Variants in TENM3 observed in about 807,000 individuals in gnomAD.
The protein encoded by TENM3 is teneurin transmembrane protein 3.
In TENM3, 63 loss-of-function variants were observed where a neutral mutation model predicts 255.1. That is an observed-to-expected ratio of 0.25 (90% CI 0.20 to 0.30). The LOEUF is 0.30. Among genes scored for constraint, TENM3 ranks in the 10% least tolerant of loss-of-function variants. The pLI is 1.00. For missense variants in TENM3, 2,929 were observed against 3,461.1 expected (o/e 0.85, Z 3.86); for synonymous variants, 1,306 against 1,322.3 (o/e 0.99, Z 0.27).
intron 3 of TENM3, among the ~76,000 whole-genome samples, chr4:182,591,627 A>G (rs1416836220): frequency 6.6e-6 from 1 of 152,208 alleles, no homozygotes; most frequent in African/African-American, 2.4e-5. Context: ...ATTTTTACAC[A>G]GTACTGTATT....
At chr4:182,205,435 C>T (rs557659859) in intron 1 of TENM3, among the ~76,000 whole-genome samples, 106 of 152,354 alleles carry the variant, frequency 7.0e-4, no homozygotes, top group Non-Finnish European at 7.1e-4. Flanking sequence ...GCCTCTGACA[C>T]GCCCCTCTCC....
At chr4:181,987,293 A>G in the TENM3 span, among the ~76,000 whole-genome samples, 3 of 152,138 alleles carry the variant, frequency 2.0e-5, no homozygotes, top group African/African-American at 7.2e-5. Flanking sequence ...AGGAAATATG[A>G]ACAAAGCTTC....
chr4:181,999,441 A>C, the TENM3 span, among the ~76,000 whole-genome samples: 1 of 152,204 alleles, frequency 6.6e-6, no homozygotes, highest in South Asian at 2.1e-4. Flanking sequence ...AGGACAGCCT[A>C]CTTTGCCATT....
rs115850456 is a variant in TENM3 at position 182,681,716 on chromosome 4, A to G, written c.1835-98A>G. Reference sequence around the variant, plus strand: ...ATGGTAGATAAATATTTGATTTTCCAAAATGTTCATATAAATTAGATTAGG... The same window carrying G: ...ATGGTAGATAAATATTTGATTTTCCGAAATGTTCATATAAATTAGATTAGG... On this transcript the variant is annotated intron_variant, in intron 10 of 27. Transcript: ENST00000511685. 1,416 of 900,768 alleles carry G rather than the reference A, an allele frequency of 1.6e-3. 17 individuals carry two copies. The African/African-American group carries it at 0.022, about 14-fold the overall frequency. 55.8% of individuals were successfully genotyped at this position (900,768 alleles called of 1,614,324 possible). A position where few individuals can be genotyped will look rare whatever the true frequency, so the allele number is the denominator to read the frequency against.
At chr4:181,483,138 C>A in the TENM3 span, among the ~76,000 whole-genome samples, 1 of 152,138 alleles carries the variant, frequency 6.6e-6, no homozygotes, top group Non-Finnish European at 1.5e-5. Flanking sequence ...ACTGGAAGAA[C>A]TTAATATCTA....
the TENM3 span, among the ~76,000 whole-genome samples, chr4:181,614,833 C>A: frequency 1.7e-4 from 26 of 152,194 alleles, no homozygotes; most frequent in Admixed American, 5.2e-4. Flanking sequence ...CTGCAAATTT[C>A]CTCCAGGCTC....
chr4:182,273,022 G>T (rs1472901147), intron 1 of TENM3, among the ~76,000 whole-genome samples: 1 of 152,212 alleles, frequency 6.6e-6, no homozygotes, highest in Non-Finnish European at 1.5e-5. Flanking sequence ...AGTCTTGAGG[G>T]TTGAGGAGAG....
At chr4:182,665,685 G>A (rs112110227) in intron 6 of TENM3, among the ~76,000 whole-genome samples, 1 of 152,060 alleles carries the variant, frequency 6.6e-6, no homozygotes, top group Non-Finnish European at 1.5e-5. Context: ...CACGAGGTCA[G>A]GAGATCGAGA....
chr4:182,732,060 T>C (rs10001743), intron 16 of TENM3, among the ~76,000 whole-genome samples: 22,933 of 152,104 alleles, frequency 0.15, 2,000 homozygotes, highest in Non-Finnish European at 0.21. Context: ...GGATTACAGG[T>C]GTGAGCCACC....
At chr4:181,888,532 A>ATATATATATATATGTG in the TENM3 span, among the ~76,000 whole-genome samples, 1 of 78,750 alleles carries the variant, frequency 1.3e-5, no homozygotes, top group African/African-American at 4.6e-5. Context: ...ATATACATAT[A>ATATATATATATATGTG]TGTGTATATA....
the TENM3 span, among the ~76,000 whole-genome samples, chr4:181,871,993 A>G: frequency 6.6e-6 from 1 of 152,114 alleles, no homozygotes; most frequent in Non-Finnish European, 1.5e-5. Flanking sequence ...TTATGTCTAT[A>G]TTCAGGAGAA....
At chr4:181,711,866 G>T in the TENM3 span, among the ~76,000 whole-genome samples, 1 of 152,144 alleles carries the variant, frequency 6.6e-6, no homozygotes, top group Non-Finnish European at 1.5e-5. Context: ...TAATGAAAAC[G>T]ATCTCAAAGG....
the TENM3 span, among the ~76,000 whole-genome samples, chr4:181,953,164 G>C: frequency 1.3e-5 from 2 of 152,074 alleles, no homozygotes; most frequent in Non-Finnish European, 2.9e-5. Context: ...AGTGTCCTAA[G>C]TGCTTTCTAT....
the TENM3 span, among the ~76,000 whole-genome samples, chr4:181,764,349 C>T: frequency 6.6e-6 from 1 of 152,194 alleles, no homozygotes; most frequent in Non-Finnish European, 1.5e-5. Context: ...CCTGCTTCCA[C>T]TCCACTGCAT....
intron 24 of TENM3, among the ~76,000 whole-genome samples, chr4:182,786,438 A>G (rs891915078): frequency 6.6e-6 from 1 of 151,944 alleles, no homozygotes; most frequent in East Asian, 1.9e-4. Context: ...CATGATTGTA[A>G]TCCCAGCTAC....
rs1721121817 is a variant in TENM3 at position 182,597,268 on chromosome 4, G to A, written c.512-3656G>A. On this transcript the variant is annotated intron_variant, in intron 3 of 27. Coordinates refer to ENST00000511685, the MANE Select transcript of TENM3 (RefSeq NM_001080477.4). ...ATTATATTTTAAAAAAATTAGCCGG[G>A]CGTGGTGGCACATGCCTGTAGTTTC... 2.6e-5 allele frequency among the ~76,000 whole-genome samples: 4 copies of A among 152,162 alleles called. No individual in the cohort carries two copies. The South Asian group carries it at 8.3e-4, about 32-fold the overall frequency.
At chr4:182,694,310 A>G (rs1757224628) in intron 12 of TENM3, among the ~76,000 whole-genome samples, 1 of 151,844 alleles carries the variant, frequency 6.6e-6, no homozygotes, top group Non-Finnish European at 1.5e-5. Flanking sequence ...GGGTTTCTTC[A>G]TGTTGCCCAG....
chr4:182,464,418 AG>A (rs1732387317), intron 3 of TENM3, among the ~76,000 whole-genome samples: 1 of 151,986 alleles, frequency 6.6e-6, no homozygotes, highest in Non-Finnish European at 1.5e-5. Context: ...TGCCATGTCC[AG>A]CTAATTTTTG....
chr4:181,613,548 G>T, the TENM3 span, among the ~76,000 whole-genome samples: 1 of 152,184 alleles, frequency 6.6e-6, no homozygotes, highest in Non-Finnish European at 1.5e-5. Flanking sequence ...CTACTGTGCT[G>T]GGAACAGACT....
Sources: allele counts gnomAD v4.1 joint callset (sites outside exome capture counted in the v4.1 genomes callset), GRCh38; gene constraint gnomAD v4.1.1; transcripts MANE v1.5; gene names NCBI Gene and HGNC (gene_info 2026-07-23, HGNC 2026-07-21).